The following SHCBP1 variants were observed in gnomAD, a reference collection of about 807,000 sequenced individuals.
SHCBP1 encodes SHC binding and spindle associated 1.
SHCBP1 carries 60 observed loss-of-function variants against 75.1 expected under a neutral mutation model. The ratio of observed to expected loss-of-function variants is 0.80; its 90% CI spans 0.65 to 0.99. The LOEUF is 0.99. Among genes scored for constraint, SHCBP1 ranks in the 50% least tolerant of loss-of-function variants. SHCBP1 has a pLI of 0.00. For missense variants in SHCBP1, 709 were observed against 809.4 expected, an observed-to-expected ratio of 0.88 and a Z score of 1.50; for synonymous variants, 290 against 293.2, an observed-to-expected ratio of 0.99 and a Z score of 0.11.
rs1475298663 is a variant in SHCBP1 at position 46,621,323 on chromosome 16, C to T, written c.37G>A (p.Ala13Thr). The stretch of plus-strand genomic sequence containing the variant: ...ATGCGCTCCGGCGCCATGGCCGCTG[C>T]CTCCAGACCGCCGCCCGTCAGCGAC... ...DGSLTGGGLE[A>T]AAMAPERMGW... is the part of the protein sequence containing the mutation. Residue 13 changes from alanine to threonine, a missense_variant, in exon 1 of 13, where the codon GCA (alanine) becomes ACA (threonine). By Grantham distance (58) the Ala-to-Thr change is moderately conservative. Coordinates refer to ENST00000303383, the MANE Select transcript of SHCBP1 (RefSeq NM_024745.5). 6.2e-7 allele frequency: 1 copy of T among 1,611,426 alleles called. No individual in the cohort carries two copies. Among genetic ancestry groups the T allele is most frequent in the East Asian group, 2.2e-5 (1 of 44,840 alleles).
chr16:46,617,904 G>A (rs1282339995), intron 2 of SHCBP1, among the ~76,000 whole-genome samples, 155 bp from the exon 3 acceptor site: 2 of 152,228 alleles, frequency 1.3e-5, no homozygotes, highest in African/African-American at 4.8e-5. Flanking sequence ...AACCAGCCAG[G>A]CAGTGGCTCA....
intron 12 of SHCBP1, among the ~76,000 whole-genome samples, 188 bp downstream of exon 12, chr16:46,583,328 T>C (rs1376152124): frequency 6.6e-6 from 1 of 152,364 alleles, no homozygotes; most frequent in East Asian, 1.9e-4. Flanking sequence ...GTTGAACTAG[T>C]TGACCTTGAA....
chr16:46,593,858 C>A (rs771313081), intron 10 of SHCBP1, among the ~76,000 whole-genome samples: 1 of 152,054 alleles, frequency 6.6e-6, no homozygotes, highest in Non-Finnish European at 1.5e-5. Context: ...AAGTTCCTAT[C>A]AAAATCTCAG....
intron 2 of SHCBP1, among the ~76,000 whole-genome samples, chr16:46,617,967 C>T (rs899539436): frequency 6.6e-6 from 1 of 152,158 alleles, no homozygotes; most frequent in African/African-American, 2.4e-5. Flanking sequence ...CACCTGAGGT[C>T]GGGAGTTCAA....
At chr16:46,583,765 T>C in intron 11 of SHCBP1, 108 bp from the exon 12 acceptor site, 1 of 1,337,276 alleles carries the variant, frequency 7.5e-7, no homozygotes, top group Non-Finnish European at 1.0e-6. Flanking sequence ...AAAGCTATGT[T>C]TAGTCCCATG....
intron 9 of SHCBP1, among the ~76,000 whole-genome samples, chr16:46,597,487 T>C (rs1400247639): frequency 6.6e-6 from 1 of 152,214 alleles, no homozygotes; most frequent in Non-Finnish European, 1.5e-5. Context: ...AATGCATCTA[T>C]TAAGTGTACA....
intron 5 of SHCBP1, among the ~76,000 whole-genome samples, chr16:46,604,911 T>C (rs1965302520): frequency 6.6e-6 from 1 of 152,208 alleles, no homozygotes; most frequent in South Asian, 2.1e-4. Flanking sequence ...TTTTCATGGA[T>C]CTGAATACGA....
intron 4 of SHCBP1, among the ~76,000 whole-genome samples, chr16:46,614,684 A>G (rs1965468541): frequency 1.3e-5 from 2 of 152,356 alleles, no homozygotes; most frequent in Middle Eastern, 3.4e-3. Flanking sequence ...TATGCTTGAA[A>G]AAAATGTGTA....
chr16:46,616,043 C>A lies in SHCBP1; in HGVS notation c.499G>T (p.Asp167Tyr), dbSNP rs1041021873. The A allele has an allele frequency of 1.2e-6, 2 of 1,614,096 alleles. No individual in the cohort carries two copies. The highest frequency in any genetic ancestry group is 1.7e-6 in the Non-Finnish European group (2 of 1,180,044). ...FTMECMKELL[D>Y]LKEHRLPLQE... The stretch of plus-strand genomic sequence containing the variant: ...AGGGGCAACCGATGCTCCTTCAGAT[C>A]AAGGAGCTCCTTCATGCACTCCATG... The change falls in exon 4 of 13, where the codon GAT becomes TAT. Residue 167 changes from aspartate to tyrosine, a missense_variant. Physicochemically the swap from Asp to Tyr is radical, Grantham distance 160. Transcript: ENST00000303383. The surrounding 1 kb of genome is among the most constrained non-coding windows in gnomAD (Gnocchi z 4.4).
rs551318039 is a variant in SHCBP1 at position 46,595,754 on chromosome 16, A to T, written c.1346-84T>A. The T allele has an allele frequency of 4.6e-6, 4 of 860,906 alleles. No homozygotes were observed. The African/African-American group carries it at 6.8e-5, about 15-fold the overall frequency. 53.3% of individuals were successfully genotyped at this position (860,906 alleles called of 1,614,324 possible). A position where few individuals can be genotyped will look rare whatever the true frequency, so the allele number is the denominator to read the frequency against. ...AGATAGCCTCGCGCTGACATTAGCT[A>T]TGGTCTAAATATTTCTCAATGGCTA... On this transcript the variant is annotated intron_variant, in intron 9 of 12. Coordinates refer to ENST00000303383, the MANE Select transcript of SHCBP1 (RefSeq NM_024745.5).
At chr16:46,604,553 A>G (rs757162245) in intron 5 of SHCBP1, 92 bp from the exon 6 acceptor site, 56 of 776,532 alleles carry the variant, frequency 7.2e-5, no homozygotes, top group Non-Finnish European at 1.2e-4. Flanking sequence ...AGACCCAGTA[A>G]GAGTTTTACA....
intron 4 of SHCBP1, among the ~76,000 whole-genome samples, chr16:46,614,668 C>T (rs1172878715): frequency 6.6e-6 from 1 of 152,108 alleles, no homozygotes; most frequent in Non-Finnish European, 1.5e-5. Context: ...TTGCTTTGAC[C>T]AGACATATGC....
At chr16:46,604,582 T>C in intron 5 of SHCBP1, 121 bp from the exon 6 acceptor site, 1 of 661,274 alleles carries the variant, frequency 1.5e-6, no homozygotes, top group Non-Finnish European at 2.7e-6. Flanking sequence ...CTCAGGTGCA[T>C]GTTAAGTCTT....
In SHCBP1 at chr16:46,604,339, C is replaced by G; in HGVS notation, c.812G>C (p.Cys271Ser). Residue 271 changes from cysteine to serine, a missense_variant, in exon 6 of 13, where the codon TGT (cysteine) becomes TCT (serine). Cys to Ser is a moderately radical substitution (Grantham distance 112, BLOSUM62 -1). Coordinates refer to ENST00000303383, the MANE Select transcript of SHCBP1 (RefSeq NM_024745.5). ...FLNLRSSLSN[C>S]NSDSEQENIS... Reference sequence around the variant, plus strand: ...ATTTTCCTGCTCGGAATCAGAGTTACAATTTGACAAACTGCTTCTCAGATT... The same window carrying G: ...ATTTTCCTGCTCGGAATCAGAGTTAGAATTTGACAAACTGCTTCTCAGATT... 1.2e-6 allele frequency: 2 copies of G among 1,614,194 alleles called. No homozygotes were observed. Among genetic ancestry groups the G allele is most frequent in the African/African-American group, 1.3e-5 (1 of 75,062 alleles).
intron 10 of SHCBP1, among the ~76,000 whole-genome samples, chr16:46,587,473 C>A (rs1964970775): frequency 6.6e-6 from 1 of 151,964 alleles, no homozygotes; most frequent in South Asian, 2.1e-4. Flanking sequence ...ACAAAGATTG[C>A]CAAAGTGGAT....
At chr16:46,592,961 A>AAAAAAAAAT (rs1965072752) in intron 10 of SHCBP1, among the ~76,000 whole-genome samples, 1 of 143,778 alleles carries the variant, frequency 7.0e-6, no homozygotes. Context: ...CAAAAAAAAA[A>AAAAAAAAAT]AAAAAAAAAA....
At position 46,618,217 on chromosome 16, in the gene SHCBP1, C is replaced by G; in HGVS notation, c.259G>C (p.Asp87His). 6.3e-7 allele frequency: 1 copy of G among 1,587,890 alleles called. No homozygotes were observed. The change falls in exon 2 of 13, where the codon GAT (aspartate) becomes CAT (histidine). Residue 87 changes from aspartate to histidine, a missense_variant. Physicochemically the swap from Asp to His is moderately conservative, Grantham distance 81 (BLOSUM62 -1). Transcript: ENST00000303383. ...AAAACCTACTCACCTAAAATGTAAT[C>G]TTGATAGGCTCTGAATCGCTCATAG... ...LFYERFRAYQ[D>H]YILADCKASE...
At chr16:46,600,091 T>A in intron 8 of SHCBP1, 129 bp from the exon 9 acceptor site, 3 of 1,065,288 alleles carry the variant, frequency 2.8e-6, no homozygotes, top group Non-Finnish European at 4.0e-6. Flanking sequence ...ATGTTGCATT[T>A]AAATAAAATC....
At chr16:46,610,543 A>AGTTTTTTTTTTTTTTTT (rs1567452466) in intron 4 of SHCBP1, among the ~76,000 whole-genome samples, 1 of 13,584 alleles carries the variant, frequency 7.4e-5, no homozygotes, top group Non-Finnish European at 2.4e-4. Context: ...CCATGGGGTC[A>AGTTTTTTTTTTTTTTTT]ATTTTTTTTT....
Sources: allele counts gnomAD v4.1 joint callset (sites outside exome capture counted in the v4.1 genomes callset), GRCh38; gene constraint gnomAD v4.1.1; non-coding constraint Gnocchi (gnomAD v3.1); transcripts MANE v1.5; gene names NCBI Gene and HGNC (gene_info 2026-07-23, HGNC 2026-07-21).